The following ITGB1 variants were observed in gnomAD, a reference collection of about 807,000 sequenced individuals.
ITGB1 encodes the protein integrin beta-1.
In ITGB1, 24 loss-of-function variants were observed where a neutral mutation model predicts 86.5. The ratio of observed to expected loss-of-function variants is 0.28; its 90% CI spans 0.20 to 0.39. The LOEUF (loss-of-function observed/expected upper bound fraction) is 0.39. ITGB1 is among the 10% of genes least tolerant of loss of function. ITGB1 has a pLI of 1.00. For missense variants in ITGB1, 556 were observed against 946.9 expected, an observed-to-expected ratio of 0.59 and a Z score of 5.42; for synonymous variants, 323 against 316.8, an observed-to-expected ratio of 1.02 and a Z score of -0.21.
At chr10:32,953,335 A>G (rs1352660336) in intron 1 of ITGB1, among the ~76,000 whole-genome samples, 1 of 152,232 alleles carries the variant, frequency 6.6e-6, no homozygotes, top group African/African-American at 2.4e-5. Flanking sequence ...CAACAGACTC[A>G]ACATCAAAGA....
intron 14 of ITGB1, among the ~76,000 whole-genome samples, chr10:32,909,155 G>A (rs973833021): frequency 1.3e-5 from 2 of 152,196 alleles, no homozygotes; most frequent in Admixed American, 1.3e-4. Context: ...ACAAGACCAT[G>A]TGGTATAGCT....
chr10:32,957,668 C>A (rs1349241499), intron 1 of ITGB1: 2 of 152,182 alleles, frequency 1.3e-5, no homozygotes, highest in Non-Finnish European at 1.5e-5. Flanking sequence ...GACAGCAGCT[C>A]GCGAGGGAGC....
chr10:32,929,856 G>A lies in ITGB1; in HGVS notation c.342C>T (p.Ile114=). The A allele has an allele frequency of 6.2e-7, 1 of 1,612,582 alleles. No individual in the cohort carries two copies. Among genetic ancestry groups the A allele is most frequent in the Non-Finnish European group, 8.5e-7 (1 of 1,178,670 alleles). ...EKLKPEDITQ[I]QPQQLVLRLR... The stretch of plus-strand genomic sequence containing the variant: ...ATCGCAAAACCAACTGCTGTGGTTG[G>A]ATCTGAGTAATATCCTCTGGCTTGA... Residue 114 remains isoleucine (I), a synonymous_variant, in exon 4 of 16, where the codon ATC becomes ATT. Coordinates refer to ENST00000302278, the MANE Select transcript of ITGB1 (RefSeq NM_002211.4).
intron 1 of ITGB1, among the ~76,000 whole-genome samples, chr10:32,948,170 C>T (rs1294483351): frequency 3.3e-5 from 5 of 152,060 alleles, no homozygotes; most frequent in African/African-American, 9.7e-5. Context: ...CACTGACATC[C>T]TCAATATCAA....
rs2094912937 is a variant in ITGB1 at position 32,911,451 on chromosome 10, T to C, written c.1928A>G (p.His643Arg). ...CQTCLGVCAE[H>R]KECVQCRAFN... ...CAAGCAATTAGGAAATACTTACTTATGCTCAGCACAGACACCAAGGCAGGT... is the reference window on the plus strand; with the variant it reads ...CAAGCAATTAGGAAATACTTACTTACGCTCAGCACAGACACCAAGGCAGGT... The change falls in exon 13 of 16, where the codon CAT becomes CGT. Residue 643 changes from histidine (H) to arginine (R), a missense_variant. Transcript: ENST00000302278. 1 of 1,613,674 alleles carries C rather than the reference T, an allele frequency of 6.2e-7. No homozygotes were observed. Among genetic ancestry groups the C allele is most frequent in the Non-Finnish European group, 8.5e-7 (1 of 1,179,654 alleles).
intron 1 of ITGB1, 89 bp downstream of exon 1, chr10:32,958,056 G>T (rs1221083930): frequency 2.1e-5 from 3 of 146,094 alleles, no homozygotes; most frequent in East Asian, 2.1e-4. Context: ...GTCCCGGCGC[G>T]GCCCGGCCGG....
intron 1 of ITGB1, among the ~76,000 whole-genome samples, chr10:32,937,624 G>A (rs10827163): frequency 0.14 from 20,674 of 147,874 alleles, 1,699 homozygotes; most frequent in East Asian, 0.25. Flanking sequence ...TGAGAAGAAC[G>A]TGACTTTCTC....
chr10:32,921,285 C>A (rs1368524085), intron 9 of ITGB1, among the ~76,000 whole-genome samples: 1 of 151,994 alleles, frequency 6.6e-6, no homozygotes. Flanking sequence ...TTGTTCACAC[C>A]CCTGAAAGAA....
intron 1 of ITGB1, 104 bp downstream of exon 1, chr10:32,958,041 C>A (rs112126343): frequency 6.6e-6 from 1 of 151,506 alleles, no homozygotes; most frequent in Admixed American, 6.6e-5. Context: ...ACGCCCGGCA[C>A]AAAGGTCCCG....
At chr10:32,919,862 C>T (rs1169943851) in intron 11 of ITGB1, 23 bp downstream of exon 11, 3 of 1,606,250 alleles carry the variant, frequency 1.9e-6, no homozygotes, top group Non-Finnish European at 2.6e-6. Context: ...AGCTCTGTCA[C>T]TGTCTGACAA....
At chr10:32,952,730 T>G (rs1343153454) in intron 1 of ITGB1, among the ~76,000 whole-genome samples, 2 of 152,168 alleles carry the variant, frequency 1.3e-5, no homozygotes, top group Non-Finnish European at 2.9e-5. Flanking sequence ...CAAAATAGAA[T>G]GCTGATTTTT....
chr10:32,944,802 T>G (rs1218071486), intron 1 of ITGB1: 1 of 843,490 alleles, frequency 1.2e-6, no homozygotes, highest in African/African-American at 1.7e-5. Context: ...GTCTACAACA[T>G]TGAATTCAAC....
At chr10:32,954,863 A>C (rs1278001466) in intron 1 of ITGB1, among the ~76,000 whole-genome samples, 1 of 152,208 alleles carries the variant, frequency 6.6e-6, no homozygotes, top group African/African-American at 2.4e-5. Flanking sequence ...CTACCTTCTA[A>C]AGTCACAAAC....
intron 1 of ITGB1, among the ~76,000 whole-genome samples, chr10:32,957,444 G>T (rs182847149): frequency 1.3e-5 from 2 of 152,292 alleles, no homozygotes; most frequent in East Asian, 3.9e-4. Flanking sequence ...CGGGGTGCCC[G>T]GCAGGGACCG....
chr10:32,919,943 T>G lies in ITGB1; in HGVS notation c.1411A>C (p.Ile471Leu), dbSNP rs1315514997. 2 of 1,614,064 alleles carry G rather than the reference T, an allele frequency of 1.2e-6. No homozygotes were observed. The highest frequency in any genetic ancestry group is 1.7e-6 in the Non-Finnish European group (2 of 1,180,034). The change falls in exon 11 of 16, where the codon ATC becomes CTC. Residue 471 changes from isoleucine to leucine, a missense_variant. This residue lies in a region of ITGB1 where 330 missense variants were observed against 531.5 expected (regional missense o/e 0.62). Transcript: ENST00000302278. ...ICECECQSEG[I>L]PESPKCHEGN... The stretch of plus-strand genomic sequence containing the variant: ...TCATGACACTTGGGACTTTCAGGGA[T>G]GCCTTCGCTTTGGCATTCACATTCA...
chr10:32,944,047 G>C (rs1473069044), intron 1 of ITGB1, among the ~76,000 whole-genome samples: 1 of 152,176 alleles, frequency 6.6e-6, no homozygotes, highest in Non-Finnish European at 1.5e-5. Context: ...AGAGGGAACA[G>C]ACAAGAAAGT....
chr10:32,915,698 A>G (rs1298320107), intron 11 of ITGB1, among the ~76,000 whole-genome samples: 1 of 152,146 alleles, frequency 6.6e-6, no homozygotes, highest in Admixed American at 6.5e-5. Flanking sequence ...AAAAAGTCCA[A>G]GACCAGACGG....
At chr10:32,948,556 C>T (rs1328445178) in intron 1 of ITGB1, among the ~76,000 whole-genome samples, 1 of 152,140 alleles carries the variant, frequency 6.6e-6, no homozygotes, top group Non-Finnish European at 1.5e-5. Flanking sequence ...CCCAAAGCAA[C>T]AGTGATGAGA....
At chr10:32,906,069 C>CAT (rs971767565) in intron 15 of ITGB1, among the ~76,000 whole-genome samples, 16 of 151,902 alleles carry the variant, frequency 1.1e-4, no homozygotes, top group East Asian at 1.9e-4. Flanking sequence ...GACACACACA[C>CAT]ATATATATAT....
Sources: gnomAD v4.1 joint callset for allele counts (sites outside exome capture counted in the v4.1 genomes callset) on GRCh38, gnomAD v4.1.1 for gene constraint, gnomAD v4.1.1 regional missense constraint, MANE v1.5 for transcripts, NCBI Gene and HGNC (gene_info 2026-07-23, HGNC 2026-07-21) for gene names.